The following TMEM65 variants were observed in gnomAD, a reference collection of about 807,000 sequenced individuals.
TMEM65 encodes the protein transmembrane protein 65.
In TMEM65, 22 loss-of-function variants were observed where a neutral mutation model predicts 25.4. The ratio of observed to expected loss-of-function variants is 0.86; its 90% CI spans 0.62 to 1.23. TMEM65 has a LOEUF of 1.23. Ranked by LOEUF, TMEM65 falls within the 50% of genes most tolerant of loss-of-function variation. TMEM65 has a pLI of 0.00. For synonymous variants in TMEM65, 132 were observed against 126.2 expected, an observed-to-expected ratio of 1.05 and a Z score of -0.31; for missense variants, 262 against 308.2, an observed-to-expected ratio of 0.85 and a Z score of 1.12.
chr8:124,315,353 T>G lies in TMEM65; in HGVS notation c.622-1292A>C, dbSNP rs140864931. ...TGTTTTTTTTTTGAGACGGAGTCTC[T>G]CTCTGTGGCCCAGGTTGGAGTGCAG... On this transcript the variant is annotated intron_variant, in intron 6 of 6. Coordinates refer to ENST00000297632, the MANE Select transcript of TMEM65 (RefSeq NM_194291.3). Among the ~76,000 whole-genome samples, 1,496 of 151,748 alleles carry G rather than the reference T, an allele frequency of 9.9e-3. 22 individuals carry two copies. Among genetic ancestry groups the G allele is most frequent in the African/African-American group, 0.033 (1,364 of 41,278 alleles).
rs1016263733 is a variant in TMEM65 at position 124,313,096 on chromosome 8, A to T, written c.*864T>A. 8 of 151,688 alleles carry T rather than the reference A, an allele frequency of 5.3e-5. No homozygotes were observed. The East Asian group carries it at 5.8e-4, about 11-fold the overall frequency. The allele number at this position is 151,688 out of a possible 1,614,324, so 9.4% of individuals were successfully genotyped here. On this transcript the variant is annotated 3_prime_UTR_variant, in exon 7 of 7. Coordinates refer to ENST00000297632, the MANE Select transcript of TMEM65 (RefSeq NM_194291.3). ...CAGTTCCTATTTTCCACCTTTTTTT[A>T]AAAAAAGCTTTAGTCTCTTAATTTC... is the stretch of plus-strand genomic sequence containing the variant.
chr8:124,315,344 C>T (rs1395520694), intron 6 of TMEM65, among the ~76,000 whole-genome samples: 2 of 149,116 alleles, frequency 1.3e-5, no homozygotes, highest in South Asian at 2.1e-4. Flanking sequence ...TTTTTTGAGA[C>T]GGAGTCTCTC....
At chr8:124,352,401 T>A (rs1164872333) in intron 1 of TMEM65, among the ~76,000 whole-genome samples, 1 of 151,706 alleles carries the variant, frequency 6.6e-6, no homozygotes, top group Non-Finnish European at 1.5e-5. Flanking sequence ...TACAAATTAG[T>A]GTAAAATCAA....
chr8:124,354,589 CT>C (rs897712047), intron 1 of TMEM65, among the ~76,000 whole-genome samples: 1 of 152,194 alleles, frequency 6.6e-6, no homozygotes, highest in East Asian at 1.9e-4. Flanking sequence ...CATCTAATAG[CT>C]TGTTTTCACA....
Position 124,320,003 on chromosome 8 carries a change from C to A in TMEM65, c.621+83G>T, listed in dbSNP as rs1192465772. On this transcript the variant is annotated intron_variant, in intron 6 of 6. Coordinates refer to ENST00000297632, the MANE Select transcript of TMEM65 (RefSeq NM_194291.3). ...AAACTCCATTCAAACCAATTTTAGT[C>A]TCAAATTTCTCAAGGGCCTGAACTA... The A allele has an allele frequency of 6.8e-6, 7 of 1,023,992 alleles. No homozygotes were observed. In the East Asian group the frequency reaches 2.0e-4, roughly 29 times the overall value. The allele number at this position is 1,023,992 out of a possible 1,614,324, so 63.4% of individuals were successfully genotyped here. A position where few individuals can be genotyped will look rare whatever the true frequency, so the allele number is the denominator to read the frequency against.
intron 1 of TMEM65, among the ~76,000 whole-genome samples, chr8:124,331,053 T>C (rs956047272): frequency 4.6e-5 from 7 of 152,066 alleles, no homozygotes; most frequent in African/African-American, 1.7e-4. Context: ...TCATTTGTTT[T>C]TTGTTTTTCA....
chr8:124,312,800 T>A lies in TMEM65; in HGVS notation c.*1160A>T, dbSNP rs1814180483. 6.6e-6 allele frequency: 1 copy of A among 151,952 alleles called. No homozygotes were observed. The highest frequency in any genetic ancestry group is 1.5e-5 in the Non-Finnish European group (1 of 67,860). 9.4% of individuals were successfully genotyped at this position (151,952 alleles called of 1,614,324 possible). ...CAAAGGGAAAAAGGATTTCTCCTCA[T>A]GTAATTTTTGAGTAGACTATGTAGC... On this transcript the variant is annotated 3_prime_UTR_variant, in exon 7 of 7. Transcript: ENST00000297632.
intron 1 of TMEM65, among the ~76,000 whole-genome samples, chr8:124,338,097 T>C (rs1269863319): frequency 6.6e-6 from 1 of 152,070 alleles, no homozygotes; most frequent in Non-Finnish European, 1.5e-5. Context: ...TGACGTATTG[T>C]CCTTCAATCT....
intron 1 of TMEM65, among the ~76,000 whole-genome samples, chr8:124,338,012 T>C (rs1380573676): frequency 1.3e-5 from 2 of 151,928 alleles, no homozygotes; most frequent in African/African-American, 4.8e-5. Context: ...ATTATATAAT[T>C]ATAGAAAGTT....
chr8:124,340,369 T>A (rs7010910), intron 1 of TMEM65, among the ~76,000 whole-genome samples: 136,864 of 152,200 alleles, frequency 0.9, 61,663 homozygotes, highest in East Asian at 1. Context: ...ATGCTATCTA[T>A]TTGACTTAAA....
intron 1 of TMEM65, among the ~76,000 whole-genome samples, chr8:124,342,424 A>G (rs1025233564): frequency 1.3e-5 from 2 of 152,160 alleles, no homozygotes; most frequent in African/African-American, 4.8e-5. Context: ...ATTAAATACT[A>G]AGGAAATGCC....
chr8:124,330,690 A>G, intron 2 of TMEM65, 58 bp downstream of exon 2: 1 of 1,493,192 alleles, frequency 6.7e-7, no homozygotes, highest in Non-Finnish European at 9.2e-7. Flanking sequence ...TGAATGATAC[A>G]GTTATTTCAA....
chr8:124,371,737 C>A (rs1815017014), intron 1 of TMEM65, 117 bp downstream of exon 1: 1 of 1,016,010 alleles, frequency 9.8e-7, no homozygotes, highest in African/African-American at 1.7e-5. Flanking sequence ...GCGAGGGGGG[C>A]GGAAGGGGGG....
intron 6 of TMEM65, among the ~76,000 whole-genome samples, chr8:124,318,885 T>G (rs1465575039): frequency 2.0e-5 from 3 of 152,200 alleles, no homozygotes; most frequent in Non-Finnish European, 4.4e-5. Context: ...TATTGCAGTC[T>G]GCTTCCATCC....
At chr8:124,339,049 C>G (rs1034221158) in intron 1 of TMEM65, among the ~76,000 whole-genome samples, 1 of 150,702 alleles carries the variant, frequency 6.6e-6, no homozygotes, top group South Asian at 2.1e-4. Flanking sequence ...ATTAGCTGGG[C>G]GTGGTGGCAG....
intron 6 of TMEM65, among the ~76,000 whole-genome samples, chr8:124,315,241 T>C (rs146978114): frequency 4.6e-5 from 7 of 152,322 alleles, no homozygotes; most frequent in African/African-American, 1.7e-4. Flanking sequence ...GTTACTATGA[T>C]AGCTACATAA....
intron 1 of TMEM65, among the ~76,000 whole-genome samples, chr8:124,362,448 G>A (rs1403673801): frequency 1.3e-5 from 2 of 151,878 alleles, no homozygotes; most frequent in Admixed American, 6.6e-5. Flanking sequence ...GTTCACTTGA[G>A]GTCAGGAGTT....
intron 1 of TMEM65, among the ~76,000 whole-genome samples, chr8:124,362,598 G>A (rs1167713957): frequency 7.4e-6 from 1 of 134,448 alleles, no homozygotes; most frequent in Admixed American, 8.6e-5. Context: ...GGAGGTGGAG[G>A]TTGCAGTGAG....
rs552408044 is a variant in TMEM65 at position 124,308,602 on chromosome 8, G to T, written c.*5358C>A. On this transcript the variant is annotated 3_prime_UTR_variant, in exon 7 of 7. Coordinates refer to ENST00000297632, the MANE Select transcript of TMEM65 (RefSeq NM_194291.3). Reference sequence around the variant, plus strand: ...GTCAAATTAAATAAATAAATAAATGGTGGAGGGTAGAAAGTTTCAAGATCT... The same window carrying T: ...GTCAAATTAAATAAATAAATAAATGTTGGAGGGTAGAAAGTTTCAAGATCT... 2 of 147,668 alleles carry T rather than the reference G, an allele frequency of 1.4e-5. No individual in the cohort carries two copies. Among genetic ancestry groups the T allele is most frequent in the East Asian group, 4.0e-4 (2 of 4,946 alleles). 9.1% of individuals were successfully genotyped at this position (147,668 alleles called of 1,614,324 possible). A position where few individuals can be genotyped will look rare whatever the true frequency, so the allele number is the denominator to read the frequency against.
Sources: gnomAD v4.1 joint callset for allele counts (sites outside exome capture counted in the v4.1 genomes callset) on GRCh38, gnomAD v4.1.1 for gene constraint, MANE v1.5 for transcripts, NCBI Gene and HGNC (gene_info 2026-07-23, HGNC 2026-07-21) for gene names.